The following NRG3 variants were observed in gnomAD, a reference collection of about 807,000 sequenced individuals.
The protein encoded by NRG3 is neuregulin 3.
A neutral mutation model predicts 66.9 loss-of-function variants in NRG3; 31 were observed. That is an observed-to-expected ratio of 0.46 (90% CI 0.35 to 0.63). The LOEUF is 0.63. NRG3 is among the 20% of genes least tolerant of loss of function. The probability of loss-of-function intolerance (pLI) is 0.00; values close to 1 mark genes in which losing one functional copy is unlikely to be tolerated. For missense variants in NRG3, 910 were observed against 878.9 expected (o/e 1.04, Z -0.45); for synonymous variants, 393 against 359.4 (o/e 1.09, Z -1.06).
chr10:81,995,066 C>G (rs894360373), intron 1 of NRG3, among the ~76,000 whole-genome samples: 5 of 152,016 alleles, frequency 3.3e-5, no homozygotes, highest in Non-Finnish European at 4.4e-5. Context: ...TTGTCTTGAT[C>G]CTGCTGAATG....
intron 1 of NRG3, among the ~76,000 whole-genome samples, chr10:81,878,498 T>G (rs1301939241): frequency 6.6e-6 from 1 of 152,204 alleles, no homozygotes; most frequent in Admixed American, 6.5e-5. Context: ...CATCCAAGAT[T>G]GCAGGATGAT....
At chr10:82,697,392 C>T (rs2246633) in intron 2 of NRG3, among the ~76,000 whole-genome samples, 78,902 of 151,948 alleles carry the variant, frequency 0.52, 22,765 homozygotes, top group Non-Finnish European at 0.63. Flanking sequence ...TCCATATTCC[C>T]AAGGTGATCT....
chr10:82,832,804 T>TTGTGTGTGTGTGTG (rs139438548), intron 3 of NRG3, among the ~76,000 whole-genome samples: 12 of 147,924 alleles, frequency 8.1e-5, no homozygotes, highest in African/African-American at 3.0e-4. Context: ...ATGCATGTAA[T>TTGTGTGTGTGTGTG]TGTGTGTGTG....
intron 1 of NRG3, among the ~76,000 whole-genome samples, chr10:82,105,015 G>T (rs571682882): frequency 6.6e-6 from 1 of 152,178 alleles, no homozygotes; most frequent in Non-Finnish European, 1.5e-5. Flanking sequence ...AACATGAAGG[G>T]TTTCATATGG....
intron 2 of NRG3, among the ~76,000 whole-genome samples, chr10:82,649,046 C>A (rs2051194152): frequency 6.6e-6 from 1 of 152,130 alleles, no homozygotes; most frequent in African/African-American, 2.4e-5. Context: ...TGGAAGCATT[C>A]CCTTTGAAAA....
At chr10:82,221,775 A>G (rs183663603) in intron 1 of NRG3, among the ~76,000 whole-genome samples, 2 of 152,296 alleles carry the variant, frequency 1.3e-5, no homozygotes, top group Non-Finnish European at 1.5e-5. Flanking sequence ...CAGGACTGTC[A>G]TGGTCCTTAT....
rs760661674 is a variant in NRG3, at chr10:82,304,983, C to CTTT, written c.824-53729_824-53727dup. Among the ~76,000 whole-genome samples the CTTT allele has an allele frequency of 5.7e-4, 42 of 73,868 alleles. 1 individual carries two copies. Among genetic ancestry groups the CTTT allele is most frequent in the East Asian group, 1.3e-3 (3 of 2,276 alleles). The allele number at this position is 73,868 out of a possible 152,430, so 48.5% of individuals were successfully genotyped here. On this transcript the variant is annotated intron_variant, in intron 1 of 8. Transcript: ENST00000372141. ...ATGTTTATTAAGTCATCAGATTCCTCTTTTTTTTTTTTTTTTTTTTTTTTT... is the reference window on the plus strand; with the variant it reads ...ATGTTTATTAAGTCATCAGATTCCTCTTTTTTTTTTTTTTTTTTTTTTTTTTTT...
intron 1 of NRG3, among the ~76,000 whole-genome samples, chr10:81,877,266 G>A (rs1440204372): frequency 1.3e-5 from 2 of 152,114 alleles, no homozygotes; most frequent in Non-Finnish European, 2.9e-5. Context: ...GAAATCTCAG[G>A]TGTCTTTTAA....
intron 2 of NRG3, among the ~76,000 whole-genome samples, chr10:82,662,198 T>A (rs2133970844): frequency 6.6e-6 from 1 of 152,334 alleles, no homozygotes; most frequent in East Asian, 1.9e-4. Context: ...GTTGTGTTTT[T>A]AAAGTGACTT....
chr10:82,732,721 C>A (rs1201979950), intron 2 of NRG3, among the ~76,000 whole-genome samples: 1 of 152,164 alleles, frequency 6.6e-6, no homozygotes, highest in Non-Finnish European at 1.5e-5. Context: ...CTGTTATCTG[C>A]ATTTTACAAA....
chr10:82,197,242 A>G (rs2074498402), intron 1 of NRG3, among the ~76,000 whole-genome samples: 1 of 152,174 alleles, frequency 6.6e-6, no homozygotes. Flanking sequence ...TGAATGTTTT[A>G]TTTAAAGGAA....
intron 1 of NRG3, among the ~76,000 whole-genome samples, chr10:82,254,316 A>C (rs570387097): frequency 6.6e-6 from 1 of 152,286 alleles, no homozygotes; most frequent in South Asian, 2.1e-4. Flanking sequence ...GATACCTTGG[A>C]CTTGGTGTTA....
intron 1 of NRG3, among the ~76,000 whole-genome samples, chr10:81,891,247 G>A (rs1171169280): frequency 1.3e-5 from 2 of 152,174 alleles, no homozygotes; most frequent in Non-Finnish European, 2.9e-5. Context: ...GTCATGTGCC[G>A]TGGGAGAAAG....
At chr10:82,943,852 A>G (rs1474207856) in intron 4 of NRG3, among the ~76,000 whole-genome samples, 1 of 152,190 alleles carries the variant, frequency 6.6e-6, no homozygotes, top group Non-Finnish European at 1.5e-5. Flanking sequence ...AAAAACCAGA[A>G]TTTATCGAAT....
At chr10:82,008,060 G>T (rs984077102) in intron 1 of NRG3, among the ~76,000 whole-genome samples, 15 of 152,096 alleles carry the variant, frequency 9.9e-5, no homozygotes, top group Non-Finnish European at 2.1e-4. Context: ...AGCTGGTTTT[G>T]GGGGGCATTC....
chr10:82,481,604 T>C, intron 2 of NRG3, among the ~76,000 whole-genome samples: 1 of 152,246 alleles, frequency 6.6e-6, no homozygotes, highest in East Asian at 1.9e-4. Context: ...AAAACACTTC[T>C]CTGGGAAATT....
chr10:82,577,088 A>C (rs2046075313), intron 2 of NRG3, among the ~76,000 whole-genome samples: 1 of 151,814 alleles, frequency 6.6e-6, no homozygotes, highest in African/African-American at 2.4e-5. Context: ...ATTGTGACTA[A>C]ATGCTGCATT....
intron 3 of NRG3, among the ~76,000 whole-genome samples, chr10:82,786,946 G>T (rs540221891): frequency 6.5e-4 from 99 of 152,114 alleles, no homozygotes; most frequent in African/African-American, 2.2e-3. Flanking sequence ...CAGCAAGAAG[G>T]CTCTCGCTGT....
intron 2 of NRG3, among the ~76,000 whole-genome samples, chr10:82,418,259 G>T (rs903629629): frequency 6.6e-5 from 10 of 152,062 alleles, no homozygotes; most frequent in South Asian, 4.1e-4. Flanking sequence ...GGTATTTTTT[G>T]AATTTAATTA....
Sources: allele counts gnomAD v4.1 joint callset (sites outside exome capture counted in the v4.1 genomes callset), GRCh38; gene constraint gnomAD v4.1.1; transcripts MANE v1.5; gene names NCBI Gene and HGNC (gene_info 2026-07-23, HGNC 2026-07-21).